The following LRRC2 variants were observed in gnomAD, a reference collection of about 807,000 sequenced individuals.
LRRC2 encodes leucine-rich repeat-containing protein 2.
In LRRC2, 27 loss-of-function variants were observed where a neutral mutation model predicts 40.2. The ratio of observed to expected loss-of-function variants is 0.67; its 90% CI spans 0.49 to 0.93. The LOEUF is 0.93. Ranked by LOEUF, LRRC2 falls within the 40% of genes least tolerant of loss-of-function variation. The pLI, the probability that LRRC2 is intolerant of heterozygous loss-of-function variation, is 0.00. For missense variants in LRRC2, 402 were observed against 439.6 expected, an observed-to-expected ratio of 0.91 and a Z score of 0.76; for synonymous variants, 147 against 158.9, an observed-to-expected ratio of 0.92 and a Z score of 0.56.
chr3:46,528,012 A>C (rs1044829644), intron 6 of LRRC2, among the ~76,000 whole-genome samples: 10 of 152,186 alleles, frequency 6.6e-5, no homozygotes, highest in Non-Finnish European at 4.4e-5. Flanking sequence ...TACAGGCATA[A>C]GCCACTATGC....
Position 46,539,173 on chromosome 3 carries a change from G to C in LRRC2, c.362C>G (p.Thr121Arg). Residue 121 changes from threonine to arginine, a missense_variant, in exon 4 of 9, where the codon ACA (threonine) becomes AGA (arginine). Transcript: ENST00000395905. Reference protein sequence around the residue: ...TELPDSLKEQTHLREWYISNT... With the variant: ...TELPDSLKEQRHLREWYISNT... ...GCTTATGTACCATTCTCTCAGGTGT[G>C]TCTGCTCCTTCAATGAATCTGGGAG... 6.2e-7 allele frequency: 1 copy of C among 1,613,876 alleles called. No homozygotes were observed. The highest frequency in any genetic ancestry group is 8.5e-7 in the Non-Finnish European group (1 of 1,179,888).
In LRRC2 at chr3:46,547,873, T is replaced by G. The variant is rs1407615165; in HGVS notation, c.126-2620A>C. On this transcript the variant is annotated intron_variant, in intron 2 of 8. Transcript: ENST00000395905. ...TGTGTGATTTAGTTTTATAACCATATGATAAAAATGAATTTTAAATATCTA... is the reference window on the plus strand; with the variant it reads ...TGTGTGATTTAGTTTTATAACCATAGGATAAAAATGAATTTTAAATATCTA... Among the ~76,000 whole-genome samples the G allele has an allele frequency of 9.2e-5, 14 of 152,244 alleles. No individual in the cohort carries two copies. The East Asian group carries it at 2.7e-3, about 29-fold the overall frequency.
intron 1 of LRRC2, among the ~76,000 whole-genome samples, chr3:46,563,174 A>G (rs1704984040): frequency 6.6e-6 from 1 of 151,986 alleles, no homozygotes; most frequent in South Asian, 2.1e-4. Flanking sequence ...TCTCACCACC[A>G]ACTAGTGTCA....
rs35530625 is a variant in LRRC2, at chr3:46,515,952, C to CTTTTTTTTTTTTTTT, written c.*3047_*3061dup. The stretch of plus-strand genomic sequence containing the variant: ...TTTCCTACTCTTTTCATCTCTCTCT[C>CTTTTTTTTTTTTTTT]TTTTTTTTTTTTTTTTTTTTTTTTT... On this transcript the variant is annotated 3_prime_UTR_variant, in exon 9 of 9. Coordinates refer to ENST00000395905, the MANE Select transcript of LRRC2 (RefSeq NM_024512.5). 1 of 117,096 alleles carries CTTTTTTTTTTTTTTT rather than the reference C, an allele frequency of 8.5e-6. No homozygotes were observed. The highest frequency in any genetic ancestry group is 4.2e-5 in the African/African-American group (1 of 23,986). 7.3% of individuals were successfully genotyped at this position (117,096 alleles called of 1,614,324 possible).
chr3:46,527,818 C>T (rs1230147452), intron 6 of LRRC2, among the ~76,000 whole-genome samples: 1 of 151,856 alleles, frequency 6.6e-6, no homozygotes, highest in Non-Finnish European at 1.5e-5. Flanking sequence ...GCCTCAACTT[C>T]CTGGGCTCAA....
intron 4 of LRRC2, among the ~76,000 whole-genome samples, chr3:46,536,389 T>C (rs1466602882): frequency 6.6e-6 from 1 of 152,174 alleles, no homozygotes; most frequent in Non-Finnish European, 1.5e-5. Context: ...TATGTTGGTG[T>C]TTATTGCCTT....
rs1451383408 is a variant in LRRC2, at chr3:46,520,645, G to A, written c.1066+877C>T. 4.6e-5 allele frequency among the ~76,000 whole-genome samples: 7 copies of A among 152,304 alleles called. No homozygotes were observed. In the South Asian group the frequency reaches 6.2e-4, roughly 14 times the overall value. ...ACTGATGAGGGAGGGGCATGCTCAC[G>A]CATGCCATTTTCTGAGGGTGGCTGA... On this transcript the variant is annotated intron_variant, in intron 8 of 8. Coordinates refer to ENST00000395905, the MANE Select transcript of LRRC2 (RefSeq NM_024512.5).
At chr3:46,522,022 A>T (rs767425354) in intron 7 of LRRC2, among the ~76,000 whole-genome samples, 5 of 152,184 alleles carry the variant, frequency 3.3e-5, no homozygotes, top group African/African-American at 4.8e-5. Flanking sequence ...TCCAACTTTA[A>T]AATGACGTGT....
chr3:46,545,000 G>A, intron 3 of LRRC2, 46 bp downstream of exon 3: 3 of 1,557,742 alleles, frequency 1.9e-6, no homozygotes, highest in Non-Finnish European at 2.7e-6. Context: ...GCGAGCAGCA[G>A]TCATCGACCA....
chr3:46,525,589 T>G (rs1704046019), intron 7 of LRRC2, among the ~76,000 whole-genome samples: 1 of 152,130 alleles, frequency 6.6e-6, no homozygotes, highest in African/African-American at 2.4e-5. Context: ...GTCACACTAC[T>G]CTTGTTTTCT....
chr3:46,531,665 T>G (rs1413199618), intron 5 of LRRC2, among the ~76,000 whole-genome samples: 1 of 151,946 alleles, frequency 6.6e-6, no homozygotes, highest in African/African-American at 2.4e-5. Context: ...GGGAGATGAG[T>G]GGATCTGTGC....
At chr3:46,520,093 T>G (rs1397502871) in intron 8 of LRRC2, among the ~76,000 whole-genome samples, 8 of 149,920 alleles carry the variant, frequency 5.3e-5, no homozygotes, top group Admixed American at 4.7e-4. Context: ...AGCAAATTAT[T>G]TTAAAACAAA....
At chr3:46,538,460 C>T (rs1223120819) in intron 4 of LRRC2, among the ~76,000 whole-genome samples, 1 of 151,856 alleles carries the variant, frequency 6.6e-6, no homozygotes, top group Non-Finnish European at 1.5e-5. Flanking sequence ...CATGGTGAAA[C>T]CCCTTCTCTA....
chr3:46,539,523 C>A (rs1023287022), intron 3 of LRRC2, among the ~76,000 whole-genome samples: 5 of 152,210 alleles, frequency 3.3e-5, no homozygotes, highest in Middle Eastern at 3.2e-3. Flanking sequence ...AACTTAACAT[C>A]CCCTAAGGTC....
chr3:46,534,637 T>C (rs1045898248), intron 4 of LRRC2, among the ~76,000 whole-genome samples: 2 of 152,164 alleles, frequency 1.3e-5, no homozygotes, highest in African/African-American at 4.8e-5. Flanking sequence ...TAAATCCATA[T>C]AATGATAATT....
At chr3:46,549,334 C>T (rs1704593297) in intron 2 of LRRC2, among the ~76,000 whole-genome samples, 1 of 152,114 alleles carries the variant, frequency 6.6e-6, no homozygotes, top group Non-Finnish European at 1.5e-5. Context: ...TACTAATGAT[C>T]ACAGTATGAA....
chr3:46,564,389 T>C (rs1370158243), intron 1 of LRRC2, among the ~76,000 whole-genome samples: 1 of 148,552 alleles, frequency 6.7e-6, no homozygotes, highest in Non-Finnish European at 1.5e-5. Flanking sequence ...ACCAGGGCAC[T>C]AGTCTCCACT....
intron 1 of LRRC2, among the ~76,000 whole-genome samples, chr3:46,551,861 C>A (rs192963920): frequency 1.3e-5 from 2 of 149,706 alleles, no homozygotes; most frequent in African/African-American, 2.5e-5. Context: ...TGCAGTGGCA[C>A]GATCATAGCT....
intron 5 of LRRC2, among the ~76,000 whole-genome samples, chr3:46,531,310 G>A (rs1480557164): frequency 2.0e-5 from 3 of 152,012 alleles, no homozygotes; most frequent in Admixed American, 6.6e-5. Context: ...GTGGGTGGGG[G>A]AGGAGTGATG....
Sources: allele counts gnomAD v4.1 joint callset (sites outside exome capture counted in the v4.1 genomes callset), GRCh38; gene constraint gnomAD v4.1.1; transcripts MANE v1.5; gene names NCBI Gene and HGNC (gene_info 2026-07-23, HGNC 2026-07-21).